The following ANKZF1 variants were observed in gnomAD, a reference collection of about 807,000 sequenced individuals.
The protein encoded by ANKZF1 is ankyrin repeat and zinc finger peptidyl tRNA hydrolase 1, also known as tRNA endonuclease ANKZF1.
In ANKZF1, 84 loss-of-function variants were observed where a neutral mutation model predicts 86.0. The observed-to-expected ratio is 0.98, with a 90% CI of 0.82 to 1.17. The LOEUF (loss-of-function observed/expected upper bound fraction) is 1.17, where lower values mean the gene tolerates loss of function less well. Among genes scored for constraint, ANKZF1 ranks in the 50% most tolerant of loss-of-function variants. ANKZF1 has a pLI of 0.00. For missense variants in ANKZF1, 893 were observed against 918.4 expected (o/e 0.97, Z 0.36); for synonymous variants, 331 against 354.2 (o/e 0.93, Z 0.74).
At position 219,230,341 on chromosome 2, in the gene ANKZF1, C is replaced by T. The variant is rs1221000249; in HGVS notation, c.84C>T (p.Gly28=). 6 of 1,614,032 alleles carry T rather than the reference C, an allele frequency of 3.7e-6. No individual in the cohort carries two copies. The highest frequency in any genetic ancestry group is 5.1e-6 in the Non-Finnish European group (6 of 1,179,928). Residue 28 remains glycine, a synonymous_variant, in exon 2 of 14, where the codon GGC becomes GGT. Coordinates refer to ENST00000323348, the MANE Select transcript of ANKZF1 (RefSeq NM_018089.3). The part of the protein sequence containing the change: ...DLSADAPVFQ[G]LSLVSHAPGE... ...GCGCGGATGCTCCGGTCTTTCAGGG[C>T]CTGAGCCTGGTGAGCCACGCGCCTG...
rs778212147 is a variant in ANKZF1, at chr2:219,235,484, G to T, written c.1702G>T (p.Ala568Ser). The change falls in exon 11 of 14, where the codon GCC (alanine) becomes TCC (serine). Residue 568 changes from alanine (A) to serine (S), a missense_variant. Transcript: ENST00000323348. ...AGTTTTTGCACCTAGGGACTCTCGG[G>T]CCCGGCCACCTTATACTGTTGCGGC... Reference protein sequence around the residue: ...GADPTVQDSRARPPYTVAADK... With the variant: ...GADPTVQDSRSRPPYTVAADK... 2 of 1,613,944 alleles carry T rather than the reference G, an allele frequency of 1.2e-6. No individual in the cohort carries two copies. The highest frequency in any genetic ancestry group is 1.7e-4 in the Middle Eastern group (1 of 6,020).
In ANKZF1 at chr2:219,236,056, C is replaced by G. The variant is rs200850569; in HGVS notation, c.2018C>G (p.Pro673Arg). The G allele has an allele frequency of 1.2e-6, 2 of 1,614,236 alleles. No individual in the cohort carries two copies. The highest frequency in any genetic ancestry group is 1.7e-6 in the Non-Finnish European group (2 of 1,180,038). Residue 673 changes from proline to arginine, a missense_variant, in exon 13 of 14, where the codon CCT becomes CGT. Pro to Arg is a moderately radical substitution (Grantham distance 103). Transcript: ENST00000323348. ...ERRLAAQLGA[P>R]TSPIPDSAIV... is the part of the protein sequence containing the mutation. Reference sequence around the variant, plus strand: ...CGACTCGCTGCCCAGTTGGGAGCCCCTACCTCTCCAATCCCTGACTCTGCA... The same window carrying G: ...CGACTCGCTGCCCAGTTGGGAGCCCGTACCTCTCCAATCCCTGACTCTGCA...
chr2:219,234,225 A>T lies in ANKZF1; in HGVS notation c.1141A>T (p.Ile381Leu), dbSNP rs1053019834. ...GAGAAAGAAGCCTACTGAGGAAGAA[A>T]TAAGAAAGATCTGCAGGGATGAAAA... Reference protein sequence around the residue: ...EERKKPTEEEIRKICRDEKEA... With the variant: ...EERKKPTEEELRKICRDEKEA... The change falls in exon 9 of 14, where the codon ATA becomes TTA. Residue 381 changes from isoleucine to leucine, a missense_variant. Physicochemically the swap from Ile to Leu is conservative, Grantham distance 5. Transcript: ENST00000323348. 1 of 1,614,000 alleles carries T rather than the reference A, an allele frequency of 6.2e-7. No homozygotes were observed. The highest frequency in any genetic ancestry group is 8.5e-7 in the Non-Finnish European group (1 of 1,180,040).
intron 9 of ANKZF1, 165 bp downstream of exon 9, chr2:219,234,453 A>C (rs773971309): frequency 4.7e-5 from 43 of 922,930 alleles, no homozygotes; most frequent in Non-Finnish European, 6.9e-5. Flanking sequence ...CAAATCTATT[A>C]TCTCTTTTGT....
At position 219,236,059 on chromosome 2, in the gene ANKZF1, C is replaced by G; in HGVS notation, c.2021C>G (p.Thr674Ser). 6.2e-7 allele frequency: 1 copy of G among 1,614,232 alleles called. No homozygotes were observed. The highest frequency in any genetic ancestry group is 1.1e-5 in the South Asian group (1 of 91,080). ...RRLAAQLGAPTSPIPDSAIVN... is the reference protein window; with the variant it reads ...RRLAAQLGAPSSPIPDSAIVN... Reference sequence around the variant, plus strand: ...CTCGCTGCCCAGTTGGGAGCCCCTACCTCTCCAATCCCTGACTCTGCAATC... The same window carrying G: ...CTCGCTGCCCAGTTGGGAGCCCCTAGCTCTCCAATCCCTGACTCTGCAATC... Residue 674 changes from threonine (T) to serine (S), a missense_variant, in exon 13 of 14, where the codon ACC becomes AGC. Thr to Ser is a moderately conservative substitution (Grantham distance 58). Coordinates refer to ENST00000323348, the MANE Select transcript of ANKZF1 (RefSeq NM_018089.3).
chr2:219,233,709 CT>C lies in ANKZF1; in HGVS notation c.820-5del. The C allele has an allele frequency of 6.2e-7, 1 of 1,609,348 alleles. No individual in the cohort carries two copies. Among genetic ancestry groups the C allele is most frequent in the Non-Finnish European group, 8.5e-7 (1 of 1,178,142 alleles). On this transcript the variant is annotated splice_polypyrimidine_tract_variant and splice_region_variant and intron_variant, in intron 7 of 13. Coordinates refer to ENST00000323348, the MANE Select transcript of ANKZF1 (RefSeq NM_018089.3). ...GTATGCAGGACTGAGTTACTCTCTT[CT>C]CTAGGATGTTCGTGACCTGCTGGCA...
chr2:219,232,836 TGAATTGTG>T, intron 5 of ANKZF1, 153 bp downstream of exon 5: 6 of 944,034 alleles, frequency 6.4e-6, no homozygotes, highest in African/African-American at 1.7e-5. Context: ...GAAACTGGCC[TGAATTGTG>T]GAAGGGTTAA....
intron 3 of ANKZF1, 94 bp downstream of exon 3, chr2:219,232,134 T>C: frequency 7.0e-7 from 1 of 1,420,088 alleles, no homozygotes; most frequent in Non-Finnish European, 9.8e-7. Context: ...TAAAGGTCCA[T>C]GCTTTGACTG....
chr2:219,231,557 G>C (rs947784915), intron 2 of ANKZF1: 2 of 224,708 alleles, frequency 8.9e-6, no homozygotes, highest in Non-Finnish European at 1.8e-5. Context: ...ACCACACCCG[G>C]TTAATTTTTT....
Position 219,234,876 on chromosome 2 carries a change from G to T in ANKZF1, c.1255G>T (p.Glu419Ter). ...DGFQVELELV[E>*]LTVGTLDLCE... ...CTTTCAGGTAGAGTTGGAGCTAGTGGAGTTGACTGTGGGGACTCTGGATCT... is the reference window on the plus strand; with the variant it reads ...CTTTCAGGTAGAGTTGGAGCTAGTGTAGTTGACTGTGGGGACTCTGGATCT... Residue 419 changes from glutamate to a stop codon, truncating the protein, a stop_gained, in exon 10 of 14, where the codon GAG becomes TAG. Coordinates refer to ENST00000323348, the MANE Select transcript of ANKZF1 (RefSeq NM_018089.3). LOFTEE classifies it high-confidence loss of function. The T allele has an allele frequency of 6.2e-7, 1 of 1,614,136 alleles. No individual in the cohort carries two copies. The highest frequency in any genetic ancestry group is 8.5e-7 in the Non-Finnish European group (1 of 1,180,008).
Position 219,236,378 on chromosome 2 carries a change from A to T in ANKZF1, c.2114A>T (p.Asp705Val), listed in dbSNP as rs779349593. 6.2e-7 allele frequency: 1 copy of T among 1,614,040 alleles called. No individual in the cohort carries two copies. Among genetic ancestry groups the T allele is most frequent in the Non-Finnish European group, 8.5e-7 (1 of 1,179,974 alleles). ...LQGLTPFHYL[D>V]FSFCSTRCLQ... ...GGCCTGACTCCCTTTCACTACCTCG[A>T]CTTCTCTTTCTGCTCCACACGTTGC... Residue 705 changes from aspartate (D) to valine (V), a missense_variant, in exon 14 of 14, where the codon GAC (aspartate) becomes GTC (valine). Asp to Val is a radical substitution (Grantham distance 152). Transcript: ENST00000323348.
In ANKZF1 at chr2:219,234,605, G is replaced by A. The variant is rs35447951; in HGVS notation, c.1205-221G>A. 11,893 of 678,214 alleles carry A rather than the reference G, an allele frequency of 0.018. 137 individuals are homozygous for A. Among genetic ancestry groups the A allele is most frequent in the South Asian group, 0.026 (1,301 of 50,598 alleles). 42.0% of individuals were successfully genotyped at this position (678,214 alleles called of 1,614,324 possible). ...GCTTCCATGCTTTCCTCTATTGTGC[G>A]GCACCCTAAGGCTACTCATACGGAG... is the stretch of plus-strand genomic sequence containing the variant. On this transcript the variant is annotated intron_variant, in intron 9 of 13. Coordinates refer to ENST00000323348, the MANE Select transcript of ANKZF1 (RefSeq NM_018089.3).
At position 219,235,622 on chromosome 2, in the gene ANKZF1, G is replaced by C. The variant is rs1365965063; in HGVS notation, c.1803+37G>C. The C allele has an allele frequency of 3.7e-6, 6 of 1,612,826 alleles. No individual in the cohort carries two copies. The African/African-American group carries it at 5.3e-5, about 14-fold the overall frequency. The stretch of plus-strand genomic sequence containing the variant: ...TAGGAAGGACAAGCAGAGTGGGAAG[G>C]CATCACAGATCCTGGCTAGATCCTT... On this transcript the variant is annotated intron_variant, in intron 11 of 13. Coordinates refer to ENST00000323348, the MANE Select transcript of ANKZF1 (RefSeq NM_018089.3).
chr2:219,232,679 A>G lies in ANKZF1; in HGVS notation c.554A>G (p.His185Arg). The G allele has an allele frequency of 6.2e-7, 1 of 1,613,730 alleles. No homozygotes were observed. Among genetic ancestry groups the G allele is most frequent in the Non-Finnish European group, 8.5e-7 (1 of 1,179,934 alleles). Residue 185 changes from histidine (H) to arginine (R), a missense_variant, in exon 5 of 14, where the codon CAT (histidine) becomes CGT (arginine). By Grantham distance (29) the His-to-Arg change is conservative (BLOSUM62 0). Transcript: ENST00000323348. ...LYAYRCVLGP[H>R]QDPPEEAELL... ...GCCTACCGCTGTGTCCTAGGCCCTCATCAGGCAAGTGACAGTACAGGTTGC... is the reference window on the plus strand; with the variant it reads ...GCCTACCGCTGTGTCCTAGGCCCTCGTCAGGCAAGTGACAGTACAGGTTGC...
In ANKZF1 at chr2:219,234,964, G is replaced by A. The variant is rs765554137; in HGVS notation, c.1343G>A (p.Arg448Gln). The change falls in exon 10 of 14, where the codon CGA becomes CAA. Residue 448 changes from arginine to glutamine, a missense_variant. By Grantham distance (43) the Arg-to-Gln change is conservative (BLOSUM62 1). Coordinates refer to ENST00000323348, the MANE Select transcript of ANKZF1 (RefSeq NM_018089.3). ...AAAAGGAATAAGAAGGAGAAAAGCC[G>A]AGACCAGGAGGCTGGGGCACATCGG... ...RRKRNKKEKS[R>Q]DQEAGAHRTL... The A allele has an allele frequency of 6.0e-5, 97 of 1,614,124 alleles. No homozygotes were observed. Among genetic ancestry groups the A allele is most frequent in the African/African-American group, 1.9e-4 (14 of 74,940 alleles).
intron 10 of ANKZF1, 66 bp from the exon 11 acceptor site, chr2:219,235,408 C>G (rs1158664957): frequency 6.2e-7 from 1 of 1,604,600 alleles, no homozygotes; most frequent in Non-Finnish European, 8.5e-7. Context: ...TTCCCTTGGT[C>G]TGGTTGGGTG....
chr2:219,235,197 C>T lies in ANKZF1; in HGVS notation c.1576C>T (p.Leu526=). ...PSPADPRVLS[L]LSAPLGSGGF... is the part of the protein sequence containing the mutation. ...CCCTGCAGACCCTAGAGTTCTGTCT[C>T]TGCTCAGTGCCCCCTTGGGCTCCGG... Residue 526 remains leucine (L), a synonymous_variant, in exon 10 of 14, where the codon CTG becomes TTG. Coordinates refer to ENST00000323348, the MANE Select transcript of ANKZF1 (RefSeq NM_018089.3). 1 of 1,614,054 alleles carries T rather than the reference C, an allele frequency of 6.2e-7. No individual in the cohort carries two copies. Among genetic ancestry groups the T allele is most frequent in the South Asian group, 1.1e-5 (1 of 91,082 alleles).
rs201742325 is a variant in ANKZF1, at chr2:219,229,980, G to A, written c.-31+80G>A. On this transcript the variant is annotated intron_variant, in intron 1 of 13. Transcript: ENST00000323348. This position sits in a 1 kb window ranked among gnomAD's most constrained non-coding sequence, Gnocchi z 4.2. ...ATGGGTAACGAAGAAAGTTCGGCTA[G>A]GCAAGCTCAGTGATTTTTAACTCTG... The A allele has an allele frequency of 2.3e-4, 78 of 339,198 alleles. 1 individual carries two copies. Among genetic ancestry groups the A allele is most frequent in the African/African-American group, 1.6e-3 (75 of 46,884 alleles). 21.0% of individuals were successfully genotyped at this position (339,198 alleles called of 1,614,324 possible).
chr2:219,235,041 G>A lies in ANKZF1; in HGVS notation c.1420G>A (p.Ala474Thr). The change falls in exon 10 of 14, where the codon GCA (alanine) becomes ACA (threonine). Residue 474 changes from alanine (A) to threonine (T), a missense_variant. Ala to Thr is a moderately conservative substitution (Grantham distance 58). Coordinates refer to ENST00000323348, the MANE Select transcript of ANKZF1 (RefSeq NM_018089.3). ...EEEPSTQSSQ[A>T]VAAPLGPLLD... ...GGAGCCTTCCACACAGTCATCCCAG[G>A]CAGTTGCTGCCCCCTTGGGCCCTTT... 1 of 1,614,264 alleles carries A rather than the reference G, an allele frequency of 6.2e-7. No homozygotes were observed. The highest frequency in any genetic ancestry group is 1.1e-5 in the South Asian group (1 of 91,090).
Sources: allele counts gnomAD v4.1 joint callset, GRCh38; gene constraint gnomAD v4.1.1; non-coding constraint Gnocchi (gnomAD v3.1); transcripts MANE v1.5; gene names NCBI Gene and HGNC (gene_info 2026-07-23, HGNC 2026-07-21).